Variants in IGFBP7 observed in about 807,000 individuals in gnomAD.
IGFBP7 encodes insulin like growth factor binding protein 7, also known as insulin-like growth factor-binding protein 7.
Under a neutral mutation model 29.4 loss-of-function variants are expected in IGFBP7, and 31 were observed. That is an observed-to-expected ratio of 1.05 (90% CI 0.79 to 1.42). IGFBP7 has a LOEUF of 1.42. Among genes scored for constraint, IGFBP7 ranks in the 40% most tolerant of loss-of-function variants. The pLI is 0.00. For synonymous variants in IGFBP7, 172 were observed against 174.9 expected, an observed-to-expected ratio of 0.98 and a Z score of 0.13; for missense variants, 393 against 395.5, an observed-to-expected ratio of 0.99 and a Z score of 0.05.
intron 1 of IGFBP7, among the ~76,000 whole-genome samples, chr4:57,103,763 A>T (rs1725958445): frequency 6.8e-6 from 1 of 147,402 alleles, no homozygotes; most frequent in Admixed American, 6.9e-5. Flanking sequence ...GGCTCAAGTA[A>T]TCCTCCCGCC....
intron 1 of IGFBP7, among the ~76,000 whole-genome samples, chr4:57,064,231 G>A (rs1180325179): frequency 2.6e-5 from 4 of 152,220 alleles, no homozygotes; most frequent in Non-Finnish European, 5.9e-5. Flanking sequence ...GCATGTGCCT[G>A]TGATCCCAGC....
Position 57,064,295 on chromosome 4 carries a change from C to A in IGFBP7, c.476-23362G>T, listed in dbSNP as rs11573075. Among the ~76,000 whole-genome samples the A allele has an allele frequency of 5.7e-3, 869 of 152,300 alleles. 10 individuals carry two copies. The highest frequency in any genetic ancestry group is 0.02 in the African/African-American group (831 of 41,568). ...CTTCAGCCTAGTGATCTTCCCACCT[C>A]GGGAGGTTGCAGTGAGCTGAGATTG... is the stretch of plus-strand genomic sequence containing the variant. On this transcript the variant is annotated intron_variant, in intron 1 of 4. Coordinates refer to ENST00000295666, the MANE Select transcript of IGFBP7 (RefSeq NM_001553.3).
At chr4:57,098,645 C>A (rs1394697273) in intron 1 of IGFBP7, among the ~76,000 whole-genome samples, 1 of 152,198 alleles carries the variant, frequency 6.6e-6, no homozygotes, top group African/African-American at 2.4e-5. Context: ...TTGATCTCTG[C>A]CCCAGCCTGC....
intron 1 of IGFBP7, among the ~76,000 whole-genome samples, chr4:57,047,891 C>T (rs770765472): frequency 1.4e-4 from 22 of 152,234 alleles, no homozygotes; most frequent in Admixed American, 6.5e-4. Flanking sequence ...TGTGCCACCA[C>T]GCCTGGCTAA....
intron 1 of IGFBP7, among the ~76,000 whole-genome samples, chr4:57,107,382 A>G (rs1370128776): frequency 6.6e-6 from 1 of 152,218 alleles, no homozygotes; most frequent in Non-Finnish European, 1.5e-5. Flanking sequence ...ATAGAAGGGA[A>G]CCTAGAGGTC....
intron 1 of IGFBP7, among the ~76,000 whole-genome samples, chr4:57,098,152 C>T (rs988073009): frequency 2.0e-5 from 3 of 152,164 alleles, no homozygotes; most frequent in African/African-American, 7.2e-5. Flanking sequence ...CAAGTTTTTG[C>T]TTATTCGCTC....
chr4:57,081,425 C>T (rs953495762), intron 1 of IGFBP7, among the ~76,000 whole-genome samples: 13 of 152,264 alleles, frequency 8.5e-5, no homozygotes, highest in African/African-American at 3.1e-4. Flanking sequence ...ATATTTTCCC[C>T]TCAGAAAGGA....
At chr4:57,063,507 A>C (rs1199592114) in intron 1 of IGFBP7, among the ~76,000 whole-genome samples, 1 of 152,254 alleles carries the variant, frequency 6.6e-6, no homozygotes, top group Non-Finnish European at 1.5e-5. Flanking sequence ...TTTCCTATGA[A>C]GGTTTAAATA....
At chr4:57,071,383 G>C (rs1364608610) in intron 1 of IGFBP7, among the ~76,000 whole-genome samples, 1 of 152,148 alleles carries the variant, frequency 6.6e-6, no homozygotes, top group Non-Finnish European at 1.5e-5. Flanking sequence ...GGCCTATTTG[G>C]GGCTTTTACA....
intron 1 of IGFBP7, among the ~76,000 whole-genome samples, chr4:57,042,861 T>G (rs1269566276): frequency 6.6e-6 from 1 of 152,244 alleles, no homozygotes; most frequent in African/African-American, 2.4e-5. Context: ...TGCTGATTCC[T>G]GCTCTAATCA....
intron 1 of IGFBP7, among the ~76,000 whole-genome samples, chr4:57,075,449 TG>T (rs11338672): frequency 0.77 from 117,659 of 151,918 alleles, 45,857 homozygotes; most frequent in East Asian, 0.97. Flanking sequence ...TCCTGGCCCC[TG>T]CAGGAGTGAT....
intron 2 of IGFBP7, among the ~76,000 whole-genome samples, chr4:57,035,752 T>A (rs1724070735): frequency 3.9e-5 from 6 of 152,184 alleles, no homozygotes; most frequent in Admixed American, 3.3e-4. Context: ...TGAGCCACTG[T>A]GCCTGGCCAA....
chr4:57,088,586 C>T (rs1044747265), intron 1 of IGFBP7, among the ~76,000 whole-genome samples: 1 of 152,148 alleles, frequency 6.6e-6, no homozygotes, highest in Non-Finnish European at 1.5e-5. Flanking sequence ...TTAGCCACTA[C>T]TACTAATGAT....
chr4:57,052,761 T>C (rs2109756434), intron 1 of IGFBP7, among the ~76,000 whole-genome samples: 1 of 152,300 alleles, frequency 6.6e-6, no homozygotes, highest in Middle Eastern at 3.4e-3. Flanking sequence ...TGATTGCTAG[T>C]TACCTCTGGA....
At chr4:57,057,481 T>C (rs1041948246) in intron 1 of IGFBP7, among the ~76,000 whole-genome samples, 2 of 152,234 alleles carry the variant, frequency 1.3e-5, no homozygotes, top group African/African-American at 4.8e-5. Flanking sequence ...CTTTTGTTTA[T>C]GTAAATGAAA....
At chr4:57,044,945 A>C (rs11933954) in intron 1 of IGFBP7, among the ~76,000 whole-genome samples, 25,362 of 152,182 alleles carry the variant, frequency 0.17, 2,209 homozygotes, top group East Asian at 0.31. Flanking sequence ...CGTGGGCTCA[A>C]GTAATCCTCT....
chr4:57,099,027 G>C (rs1349427389), intron 1 of IGFBP7, among the ~76,000 whole-genome samples: 1 of 152,092 alleles, frequency 6.6e-6, no homozygotes, highest in African/African-American at 2.4e-5. Context: ...TTTCTTTCTT[G>C]CTTGGGGTCA....
At chr4:57,088,269 C>T (rs1379569905) in intron 1 of IGFBP7, among the ~76,000 whole-genome samples, 1 of 152,182 alleles carries the variant, frequency 6.6e-6, no homozygotes, top group Non-Finnish European at 1.5e-5. Flanking sequence ...AGCCACCATG[C>T]CCAGGCAGTT....
chr4:57,072,477 G>A (rs1190697371), intron 1 of IGFBP7, among the ~76,000 whole-genome samples: 5 of 152,098 alleles, frequency 3.3e-5, no homozygotes, highest in South Asian at 2.1e-4. Context: ...ATGATACAAC[G>A]AGCTGTGTTC....
Sources: allele counts gnomAD v4.1 joint callset (sites outside exome capture counted in the v4.1 genomes callset), GRCh38; gene constraint gnomAD v4.1.1; transcripts MANE v1.5; gene names NCBI Gene and HGNC (gene_info 2026-07-23, HGNC 2026-07-21).